Variants in TIAM2 observed in about 807,000 individuals in gnomAD.
TIAM2 encodes rho guanine nucleotide exchange factor TIAM2.
A neutral mutation model predicts 152.9 loss-of-function variants in TIAM2; 80 were observed. The observed-to-expected ratio is 0.52, with a 90% CI of 0.44 to 0.63. The LOEUF (loss-of-function observed/expected upper bound fraction) is 0.63. TIAM2 is among the 30% of genes least tolerant of loss of function. The pLI, the probability that TIAM2 is intolerant of heterozygous loss-of-function variation, is 0.00. For missense variants in TIAM2, 1,965 were observed against 2,120.1 expected, an observed-to-expected ratio of 0.93 and a Z score of 1.44; for synonymous variants, 804 against 838.0, an observed-to-expected ratio of 0.96 and a Z score of 0.70.
Position 154,995,730 on chromosome 6 carries a change from G to C in TIAM2, c.-209+238G>C, listed in dbSNP as rs1045678679. Among the ~76,000 whole-genome samples the C allele has an allele frequency of 6.6e-6, 1 of 152,138 alleles. No individual in the cohort carries two copies. The highest frequency in any genetic ancestry group is 1.5e-5 in the Non-Finnish European group (1 of 68,016). ...CGTCCGGGCACAGCCTGGCACGGGG[G>C]ACGAAGCACTTTCCAGAAGGCTCTG... On this transcript the variant is annotated intron_variant, in intron 1 of 26. Transcript: ENST00000682666. This position sits in a 1 kb window ranked among gnomAD's most constrained non-coding sequence, Gnocchi z 5.2.
chr6:155,002,310 C>A (rs1175530680), intron 1 of TIAM2, among the ~76,000 whole-genome samples: 1 of 152,118 alleles, frequency 6.6e-6, no homozygotes, highest in African/African-American at 2.4e-5. Context: ...ACTAAGGAGG[C>A]TGAGATGGGA....
At chr6:155,254,091 C>A in intron 25 of TIAM2, 31 bp downstream of exon 25, 1 of 1,587,876 alleles carries the variant, frequency 6.3e-7, no homozygotes, top group Non-Finnish European at 8.6e-7. Flanking sequence ...TTAAAACCAA[C>A]AGAAATAACA....
At chr6:155,108,656 G>A (rs73004904) in intron 2 of TIAM2, among the ~76,000 whole-genome samples, 10,732 of 152,162 alleles carry the variant, frequency 0.071, 501 homozygotes, top group East Asian at 0.23. Context: ...GCCTGGAAGT[G>A]CGAGATAAGC....
intron 12 of TIAM2, among the ~76,000 whole-genome samples, chr6:155,181,772 C>A (rs1245433740): frequency 6.6e-6 from 1 of 152,210 alleles, no homozygotes; most frequent in Non-Finnish European, 1.5e-5. Flanking sequence ...TAGTATCATA[C>A]TGTGTTGTCT....
At chr6:155,254,231 A>T in intron 25 of TIAM2, 171 bp downstream of exon 25, 1 of 1,000,066 alleles carries the variant, frequency 1.0e-6, no homozygotes. Flanking sequence ...GATTAAATAA[A>T]TATCAAAATC....
chr6:155,110,985 G>T (rs1231257918), intron 2 of TIAM2, among the ~76,000 whole-genome samples: 3 of 152,128 alleles, frequency 2.0e-5, no homozygotes, highest in African/African-American at 7.2e-5. Flanking sequence ...TATAGTCGCA[G>T]AATTGCTAGA....
intron 1 of TIAM2, among the ~76,000 whole-genome samples, chr6:155,071,459 C>T (rs545843282): frequency 2.4e-4 from 37 of 152,328 alleles, no homozygotes; most frequent in African/African-American, 8.7e-4. Flanking sequence ...ATATTGTTTA[C>T]TATGCCCTGC....
intron 10 of TIAM2, 24 bp from the exon 11 acceptor site, chr6:155,179,015 G>T: frequency 6.4e-7 from 1 of 1,563,554 alleles, no homozygotes; most frequent in South Asian, 1.1e-5. Context: ...TTTAAAATCT[G>T]AATAACTGTC....
intron 2 of TIAM2, among the ~76,000 whole-genome samples, chr6:155,096,148 G>A (rs1436107889): frequency 6.6e-6 from 1 of 152,010 alleles, no homozygotes; most frequent in Non-Finnish European, 1.5e-5. Context: ...TGTTTGTTAA[G>A]GTGTATTTAA....
rs951197913 is a variant in TIAM2, at chr6:155,155,096, TCAATAGG to T, written c.2028+6770_2028+6776del. ...TGGTGGGTGAAGATGTGAACTTTAT[TCAATAGG>T]CAATAGGGAGATGGTGAAAGTGTTA... On this transcript the variant is annotated intron_variant, in intron 7 of 26. Transcript: ENST00000682666. 7.9e-5 allele frequency among the ~76,000 whole-genome samples: 12 copies of T among 151,404 alleles called. 1 individual carries two copies. Among genetic ancestry groups the T allele is most frequent in the East Asian group, 3.9e-4 (2 of 5,184 alleles).
intron 15 of TIAM2, among the ~76,000 whole-genome samples, chr6:155,215,134 A>G (rs1781821380): frequency 1.3e-5 from 2 of 152,224 alleles, no homozygotes; most frequent in Non-Finnish European, 2.9e-5. Flanking sequence ...AGCTCTTAAG[A>G]AGGAAATTGA....
chr6:155,053,714 G>T (rs574393251), intron 1 of TIAM2, among the ~76,000 whole-genome samples: 2 of 152,030 alleles, frequency 1.3e-5, no homozygotes, highest in African/African-American at 4.8e-5. Flanking sequence ...CAAGTGATTC[G>T]CCTGCCTCAG....
intron 15 of TIAM2, among the ~76,000 whole-genome samples, chr6:155,230,544 T>TA (rs57045047): frequency 1.5e-3 from 2 of 1,372 alleles, no homozygotes; most frequent in Non-Finnish European, 2.2e-3. Context: ...AAGGAGTGAT[T>TA]TGTTCATCAA....
In TIAM2 at chr6:155,252,969, C is replaced by T. The variant is rs1783761198; in HGVS notation, c.4141C>T (p.His1381Tyr). 5 of 1,614,192 alleles carry T rather than the reference C, an allele frequency of 3.1e-6. No homozygotes were observed. Among genetic ancestry groups the T allele is most frequent in the East Asian group, 4.5e-5 (2 of 44,886 alleles). ...KKLPSNSRPA[H>Y]NSTDLDPFKF... ...ACAGCCCTCGAATTCCCGGCCTGCACACAACTCTACTGACTTGGACCCATT... is the reference window on the plus strand; with the variant it reads ...ACAGCCCTCGAATTCCCGGCCTGCATACAACTCTACTGACTTGGACCCATT... The change falls in exon 24 of 27, where the codon CAC becomes TAC. Residue 1381 changes from histidine to tyrosine, a missense_variant. This residue lies in a region of TIAM2 where 935 missense variants were observed against 980.0 expected (regional missense o/e 0.95). Coordinates refer to ENST00000682666, the MANE Select transcript of TIAM2 (RefSeq NM_012454.4).
At chr6:154,998,246 G>T (rs1778254588) in intron 1 of TIAM2, among the ~76,000 whole-genome samples, 1 of 152,182 alleles carries the variant, frequency 6.6e-6, no homozygotes, top group South Asian at 2.1e-4. Flanking sequence ...AAACTTGCAA[G>T]TAAGGCCCTA....
intron 1 of TIAM2, among the ~76,000 whole-genome samples, chr6:155,006,679 C>T (rs529451635): frequency 8.4e-5 from 12 of 143,220 alleles, no homozygotes; most frequent in Non-Finnish European, 1.5e-4. Flanking sequence ...CACCTCCCCC[C>T]ACCAAAAAAA....
chr6:155,147,086 A>G (rs953438172), intron 6 of TIAM2, among the ~76,000 whole-genome samples: 6 of 151,902 alleles, frequency 3.9e-5, no homozygotes, highest in Middle Eastern at 3.2e-3. Context: ...GTTAGAAGTC[A>G]CTGAAAAATA....
chr6:155,254,137 G>A, intron 25 of TIAM2, 77 bp downstream of exon 25: 3 of 1,466,090 alleles, frequency 2.0e-6, no homozygotes, highest in Non-Finnish European at 2.8e-6. Flanking sequence ...TATATTTAGT[G>A]CCCTCCTGAA....
chr6:155,166,787 A>G (rs545373818), intron 9 of TIAM2, among the ~76,000 whole-genome samples: 6 of 152,310 alleles, frequency 3.9e-5, no homozygotes, highest in African/African-American at 1.4e-4. Flanking sequence ...GCTGATTGAT[A>G]TGTTTTAGGA....
Sources: allele counts gnomAD v4.1 joint callset (sites outside exome capture counted in the v4.1 genomes callset), GRCh38; gene constraint gnomAD v4.1.1; regional missense constraint gnomAD v4.1.1; non-coding constraint Gnocchi (gnomAD v3.1); transcripts MANE v1.5; gene names NCBI Gene and HGNC (gene_info 2026-07-23, HGNC 2026-07-21).